Variants in DLG2 observed in about 807,000 individuals in gnomAD.
DLG2 encodes discs large MAGUK scaffold protein 2, also known as disks large homolog 2.
DLG2 carries 45 observed loss-of-function variants against 132.5 expected under a neutral mutation model. That is an observed-to-expected ratio of 0.34 (90% CI 0.27 to 0.44). DLG2 has a LOEUF of 0.44. Ranked by LOEUF, DLG2 falls within the 20% of genes least tolerant of loss-of-function variation. DLG2 has a pLI of 1.00. For synonymous variants in DLG2, 424 were observed against 419.6 expected, an observed-to-expected ratio of 1.01 and a Z score of -0.13; for missense variants, 1,045 against 1,196.9, an observed-to-expected ratio of 0.87 and a Z score of 1.87.
chr11:83,930,495 A>G lies in DLG2; in HGVS notation c.1341-12T>C. On this transcript the variant is annotated splice_polypyrimidine_tract_variant and intron_variant, in intron 14 of 27. Coordinates refer to ENST00000376104, the MANE Select transcript of DLG2 (RefSeq NM_001142699.3). ...CAGGTTCCGGAGGCCTGGTGATACA[A>G]GAGGAAGAGAAAGATATGCATGGTT... is the stretch of plus-strand genomic sequence containing the variant. The G allele has an allele frequency of 1.9e-6, 3 of 1,612,962 alleles. No individual in the cohort carries two copies. The South Asian group carries it at 3.3e-5, about 18-fold the overall frequency.
chr11:84,259,497 C>T (rs562695114), intron 7 of DLG2, among the ~76,000 whole-genome samples: 39 of 152,192 alleles, frequency 2.6e-4, no homozygotes, highest in African/African-American at 8.4e-4. Context: ...GCTGGACTTA[C>T]TGAGACACGA....
In DLG2 at chr11:85,052,280, C is replaced by T. The variant is rs960338354; in HGVS notation, c.357+59381G>A. Among the ~76,000 whole-genome samples the T allele has an allele frequency of 1.1e-4, 16 of 152,256 alleles. 1 individual carries two copies. The highest frequency in any genetic ancestry group is 3.6e-4 in the African/African-American group (15 of 41,562). ...ATCGTTGGGAGTTCATAGTCTATTT[C>T]TAAATAAGAAAATTCCATTCTGTAA... On this transcript the variant is annotated intron_variant, in intron 6 of 27. Transcript: ENST00000376104.
At chr11:83,931,422 A>G (rs985764565) in intron 14 of DLG2, among the ~76,000 whole-genome samples, 6 of 152,234 alleles carry the variant, frequency 3.9e-5, no homozygotes, top group Admixed American at 1.3e-4. Flanking sequence ...GGGAGGGCTG[A>G]TCCAATTTTC....
chr11:83,760,209 G>A (rs921913199), intron 18 of DLG2, among the ~76,000 whole-genome samples: 7 of 152,128 alleles, frequency 4.6e-5, no homozygotes, highest in Non-Finnish European at 8.8e-5. Context: ...CTTTCACCTG[G>A]TGGGCAGAAA....
intron 6 of DLG2, among the ~76,000 whole-genome samples, chr11:85,063,774 G>C (rs902867061): frequency 6.6e-6 from 1 of 151,750 alleles, no homozygotes; most frequent in Non-Finnish European, 1.5e-5. Context: ...AAAGTCATTT[G>C]ATAAGAAGCA....
chr11:84,333,442 TG>T (rs1344863149), intron 7 of DLG2, among the ~76,000 whole-genome samples: 3 of 152,238 alleles, frequency 2.0e-5, no homozygotes, highest in African/African-American at 7.2e-5. Context: ...GTTACATTAC[TG>T]ATCTCTGCTG....
intron 19 of DLG2, among the ~76,000 whole-genome samples, chr11:83,561,803 A>T (rs2096613413): frequency 6.6e-6 from 1 of 152,122 alleles, no homozygotes; most frequent in Non-Finnish European, 1.5e-5. Context: ...ATTACTAATA[A>T]GTACCAGGTA....
chr11:84,777,306 T>TAC (rs2070804190), intron 6 of DLG2, among the ~76,000 whole-genome samples: 2 of 134,432 alleles, frequency 1.5e-5, no homozygotes, highest in Non-Finnish European at 3.2e-5. Flanking sequence ...TATATATATA[T>TAC]ATATATATAT....
chr11:83,493,261 T>C (rs996120204), intron 21 of DLG2, among the ~76,000 whole-genome samples: 23 of 152,130 alleles, frequency 1.5e-4, no homozygotes, highest in African/African-American at 4.8e-4. Context: ...CCCTTATCAG[T>C]GAGGCTTTTT....
At chr11:83,551,677 C>G (rs1307173231) in intron 19 of DLG2, among the ~76,000 whole-genome samples, 1 of 152,112 alleles carries the variant, frequency 6.6e-6, no homozygotes, top group African/African-American at 2.4e-5. Flanking sequence ...ACTTACCCTT[C>G]TAAATCTCAT....
chr11:85,377,817 GTGTGTGTATACATATATA>G (rs2085541471), intron 3 of DLG2, among the ~76,000 whole-genome samples: 1 of 144,276 alleles, frequency 6.9e-6, no homozygotes, highest in African/African-American at 2.5e-5. Flanking sequence ...GTGTGTGTGT[GTGTGTGTATACATATATA>G]TGTGTGTATA....
intron 8 of DLG2, among the ~76,000 whole-genome samples, chr11:84,232,932 C>G (rs1323978775): frequency 1.3e-5 from 2 of 152,056 alleles, no homozygotes; most frequent in Non-Finnish European, 2.9e-5. Flanking sequence ...AAAGACCTGC[C>G]CAACAGAAAA....
rs923198329 is a variant in DLG2, at chr11:84,156,219, C to G, written c.624+7242G>C. 2.0e-5 allele frequency among the ~76,000 whole-genome samples: 3 copies of G among 152,160 alleles called. No homozygotes were observed. The East Asian group carries it at 5.8e-4, about 29-fold the overall frequency. ...GCTCAGCCATAGACAACTTTGATAT[C>G]TCAAGCTTTCCTGACTCCCTGGATT... On this transcript the variant is annotated intron_variant, in intron 9 of 27. Transcript: ENST00000376104.
At chr11:85,489,338 G>A (rs1311669426) in intron 3 of DLG2, among the ~76,000 whole-genome samples, 1 of 152,042 alleles carries the variant, frequency 6.6e-6, no homozygotes, top group Non-Finnish European at 1.5e-5. Flanking sequence ...AATAATAAAG[G>A]TATCAACTCA....
intron 6 of DLG2, among the ~76,000 whole-genome samples, chr11:84,665,854 C>A (rs757930244): frequency 9.9e-5 from 15 of 152,078 alleles, no homozygotes; most frequent in Non-Finnish European, 1.6e-4. Flanking sequence ...TCTAGTGACC[C>A]ATTCAATTTG....
intron 4 of DLG2, among the ~76,000 whole-genome samples, chr11:85,173,749 C>A (rs1430428935): frequency 6.6e-6 from 1 of 152,004 alleles, no homozygotes; most frequent in African/African-American, 2.4e-5. Context: ...TAAAGACACA[C>A]ATAGGCTCAA....
chr11:83,868,177 C>A lies in DLG2; in HGVS notation c.1565+6243G>T, dbSNP rs570389691. Among the ~76,000 whole-genome samples, 6 of 152,290 alleles carry A rather than the reference C, an allele frequency of 3.9e-5. No individual in the cohort carries two copies. The South Asian group carries it at 1.2e-3, about 32-fold the overall frequency. On this transcript the variant is annotated intron_variant, in intron 16 of 27. Transcript: ENST00000376104. ...TTAAACTCTGAAGATCTATCTCCCCCACCCAGGGATGGAAGGAAGGCCTGC... is the reference window on the plus strand; with the variant it reads ...TTAAACTCTGAAGATCTATCTCCCCAACCCAGGGATGGAAGGAAGGCCTGC...
intron 14 of DLG2, among the ~76,000 whole-genome samples, chr11:83,962,571 T>G (rs538578419): frequency 3.3e-5 from 5 of 152,086 alleles, no homozygotes; most frequent in Admixed American, 2.0e-4. Flanking sequence ...CAGCACTATC[T>G]TCTCTTCTCA....
chr11:84,018,278 T>C (rs1001845353), intron 11 of DLG2, among the ~76,000 whole-genome samples: 14 of 152,106 alleles, frequency 9.2e-5, no homozygotes, highest in African/African-American at 3.4e-4. Flanking sequence ...TTTAAATTCA[T>C]TAGTTCAAAA....
Sources: allele counts gnomAD v4.1 joint callset (sites outside exome capture counted in the v4.1 genomes callset), GRCh38; gene constraint gnomAD v4.1.1; transcripts MANE v1.5; gene names NCBI Gene and HGNC (gene_info 2026-07-23, HGNC 2026-07-21).